TERT: variants seen among roughly 807,000 people sequenced by gnomAD.
TERT encodes the protein telomerase catalytic subunit.
Under a neutral mutation model 104.0 loss-of-function variants are expected in TERT, and 42 were observed. The ratio of observed to expected loss-of-function variants is 0.40; its 90% CI spans 0.32 to 0.52. The LOEUF is 0.52. Among genes scored for constraint, TERT ranks in the 20% least tolerant of loss-of-function variants. The pLI, the probability that TERT is intolerant of heterozygous loss-of-function variation, is 0.43. For missense variants in TERT, 1,101 were observed against 1,610.3 expected, an observed-to-expected ratio of 0.68 and a Z score of 5.41; for synonymous variants, 781 against 725.6, an observed-to-expected ratio of 1.08 and a Z score of -1.23.
rs756195573 is a variant in TERT at position 1,278,655 on chromosome 5, C to A, written c.2272G>T (p.Ala758Ser). Residue 758 changes from alanine to serine, a missense_variant, in exon 6 of 16, where the codon GCC (alanine) becomes TCC (serine). Coordinates refer to ENST00000310581, the MANE Select transcript of TERT (RefSeq NM_198253.3). ...GTGAACCTTACGTGGCTCTTGAAGG[C>A]CTTGCGGACGTGCCCATGGGCGGCC... ...QKAAHGHVRKAFKSHVSTLTD... is the reference protein window; with the variant it reads ...QKAAHGHVRKSFKSHVSTLTD... The A allele has an allele frequency of 6.2e-7, 1 of 1,614,164 alleles. No individual in the cohort carries two copies. The highest frequency in any genetic ancestry group is 8.5e-7 in the Non-Finnish European group (1 of 1,180,050).
At chr5:1,279,237 G>T (rs1749835641) in intron 5 of TERT, 54 bp downstream of exon 5, 2 of 1,531,564 alleles carry the variant, frequency 1.3e-6, no homozygotes, top group Non-Finnish European at 1.8e-6. Flanking sequence ...GTGCCAATCA[G>T]GCAGCCACTC....
At chr5:1,284,439 T>C (rs13175402) in intron 2 of TERT, among the ~76,000 whole-genome samples, 376 of 84,258 alleles carry the variant, frequency 4.5e-3, no homozygotes, top group Middle Eastern at 0.028. Context: ...CACAGCAGGG[T>C]CTGGCGACCT....
At position 1,255,434 on chromosome 5, in the gene TERT, C is replaced by T; in HGVS notation, c.3033-23G>A. ...AACCTGAGAGGATGGCGGACAGCGT[C>T]AGAGGAAAGGCCTCCTAATCAGACG... On this transcript the variant is annotated intron_variant, in intron 13 of 15. Coordinates refer to ENST00000310581, the MANE Select transcript of TERT (RefSeq NM_198253.3). This position sits in a 1 kb window ranked among gnomAD's most constrained non-coding sequence, Gnocchi z 6.9. 1 of 1,613,810 alleles carries T rather than the reference C, an allele frequency of 6.2e-7. No individual in the cohort carries two copies. The highest frequency in any genetic ancestry group is 8.5e-7 in the Non-Finnish European group (1 of 1,179,970).
chr5:1,271,254 A>G, intron 7 of TERT, 50 bp from the exon 8 acceptor site: 1 of 1,378,792 alleles, frequency 7.3e-7, no homozygotes, highest in Non-Finnish European at 1.0e-6. Context: ...GGGTGCTGAG[A>G]CAGGCAGGAC....
intron 3 of TERT, among the ~76,000 whole-genome samples, chr5:1,281,590 A>G (rs762769859): frequency 2.6e-5 from 4 of 151,906 alleles, no homozygotes; most frequent in African/African-American, 7.3e-5. Context: ...ACAATCTCAC[A>G]CTCTCATCAG....
chr5:1,281,692 T>G (rs1750031401), intron 3 of TERT, among the ~76,000 whole-genome samples: 1 of 151,954 alleles, frequency 6.6e-6, no homozygotes, highest in Non-Finnish European at 1.5e-5. Flanking sequence ...AGGTGCTCCC[T>G]GCACAGGTGC....
chr5:1,282,747 T>C lies in TERT; in HGVS notation c.1574-123A>G, dbSNP rs1447103315. On this transcript the variant is annotated intron_variant, in intron 2 of 15. Coordinates refer to ENST00000310581, the MANE Select transcript of TERT (RefSeq NM_198253.3). ...GGGCCTGGCGACCTCACCCCAGACC[T>C]GCACCATCCGGACACGGCACATCCA... 9.8e-5 allele frequency: 94 copies of C among 959,064 alleles called. 3 individuals carry two copies. The South Asian group carries it at 1.3e-3, about 13-fold the overall frequency. 59.4% of individuals were successfully genotyped at this position (959,064 alleles called of 1,614,324 possible).
chr5:1,276,413 A>G (rs977095743), intron 6 of TERT, among the ~76,000 whole-genome samples: 2 of 138,592 alleles, frequency 1.4e-5, no homozygotes, highest in Admixed American at 7.3e-5. Flanking sequence ...AATCCCACAG[A>G]TCCCCACCTA....
At chr5:1,285,176 G>T (rs1750394811) in intron 2 of TERT, among the ~76,000 whole-genome samples, 1 of 136,552 alleles carries the variant, frequency 7.3e-6, no homozygotes, top group South Asian at 2.8e-4. Flanking sequence ...CTCACCGAGG[G>T]CCTGGAGACC....
At position 1,274,675 on chromosome 5, in the gene TERT, C is replaced by T. The variant is rs925519736; in HGVS notation, c.2287-2395G>A. On this transcript the variant is annotated intron_variant, in intron 6 of 15. Coordinates refer to ENST00000310581, the MANE Select transcript of TERT (RefSeq NM_198253.3). This position sits in a 1 kb window ranked among gnomAD's most constrained non-coding sequence, Gnocchi z 5.3. ...GGCGGGGCTCAGGCGGGAACGCTGG[C>T]TCCCCACACCCCACCTAGCCTCCCG... Among the ~76,000 whole-genome samples, 3 of 152,336 alleles carry T rather than the reference C, an allele frequency of 2.0e-5. No individual in the cohort carries two copies. The highest frequency in any genetic ancestry group is 1.3e-4 in the Admixed American group (2 of 15,306).
chr5:1,294,796 G>A lies in TERT; in HGVS notation c.194C>T (p.Pro65Leu), dbSNP rs1561215067. The A allele has an allele frequency of 5.2e-6, 8 of 1,525,946 alleles. No individual in the cohort carries two copies. Among genetic ancestry groups the A allele is most frequent in the Non-Finnish European group, 7.0e-6 (8 of 1,144,676 alleles). The allele number at this position is 1,525,946 out of a possible 1,614,324, so 94.5% of individuals were successfully genotyped here. Residue 65 changes from proline (P) to leucine (L), a missense_variant, in exon 1 of 16, where the codon CCC becomes CTC. Around this residue, in one of 5 missense-constraint regions of TERT, gnomAD observed 87 missense variants for 145.4 expected, o/e 0.60. Transcript: ENST00000310581. Reference protein sequence around the residue: ...LVCVPWDARPPPAAPSFRQVS... With the variant: ...LVCVPWDARPLPAAPSFRQVS... Reference sequence around the variant, plus strand: ...CTGGCGGAAGGAGGGGGCGGCGGGGGGCGGCCGTGCGTCCCAGGGCACGCA... The same window carrying A: ...CTGGCGGAAGGAGGGGGCGGCGGGGAGCGGCCGTGCGTCCCAGGGCACGCA...
At chr5:1,276,875 G>A (rs920678406) in intron 6 of TERT, among the ~76,000 whole-genome samples, 5 of 152,218 alleles carry the variant, frequency 3.3e-5, no homozygotes, top group Admixed American at 6.5e-5. Flanking sequence ...AGTGGACTGC[G>A]ATAGAAGTAC....
chr5:1,282,782 G>A, intron 2 of TERT, 158 bp from the exon 3 acceptor site: 1 of 721,900 alleles, frequency 1.4e-6, no homozygotes, highest in Non-Finnish European at 2.4e-6. Flanking sequence ...AGCCCACCAA[G>A]GGCCTGGCGA....
intron 3 of TERT, 62 bp from the exon 4 acceptor site, chr5:1,280,400 C>A (rs796921185): frequency 6.4e-7 from 1 of 1,557,242 alleles, no homozygotes; most frequent in Non-Finnish European, 8.7e-7. Flanking sequence ...GGGAAGCTCA[C>A]GGGAAGCCAC....
rs1369864504 is a variant in TERT, at chr5:1,292,056, C to G, written c.1573+1257G>C. Among the ~76,000 whole-genome samples, 1 of 152,166 alleles carries G rather than the reference C, an allele frequency of 6.6e-6. No homozygotes were observed. The highest frequency in any genetic ancestry group is 1.5e-5 in the Non-Finnish European group (1 of 68,044). ...TGTAAACACCGCCGAGTTAGCAATT[C>G]TGCACTGTACACAGAAAACGGTGTT... On this transcript the variant is annotated intron_variant, in intron 2 of 15. Coordinates refer to ENST00000310581, the MANE Select transcript of TERT (RefSeq NM_198253.3). The surrounding 1 kb of genome is among the most constrained non-coding windows in gnomAD (Gnocchi z 5.5).
At chr5:1,279,946 G>GC (rs1381870767) in intron 4 of TERT, among the ~76,000 whole-genome samples, 30 of 152,136 alleles carry the variant, frequency 2.0e-4, no homozygotes, top group Non-Finnish European at 4.3e-4. Context: ...GCCTGTCCCT[G>GC]CCCCAGGAGC....
chr5:1,265,478 T>C lies in TERT; in HGVS notation c.2655-886A>G, dbSNP rs1748524267. Among the ~76,000 whole-genome samples the C allele has an allele frequency of 1.3e-5, 2 of 152,054 alleles. No homozygotes were observed. Among genetic ancestry groups the C allele is most frequent in the South Asian group, 4.2e-4 (2 of 4,816 alleles). On this transcript the variant is annotated intron_variant, in intron 10 of 15. Transcript: ENST00000310581. The surrounding 1 kb of genome is among the most constrained non-coding windows in gnomAD (Gnocchi z 6.9). ...AGGAACTTGCCACACAGAAGCAGCG[T>C]TCCCCGTCTGCTCTGTCCCCTCAGC...
chr5:1,294,339 G>T lies in TERT; in HGVS notation c.547C>A (p.Gln183Lys). The stretch of plus-strand genomic sequence containing the variant: ...CTAGCGTGTGGCGGGGGCCGGGCCT[G>T]AGTGGCAGCGCCGAGCTGGTACAGC... ...PPLYQLGAAT[Q>K]ARPPPHASGP... The change falls in exon 2 of 16, where the codon CAG (glutamine) becomes AAG (lysine). Residue 183 changes from glutamine (Q) to lysine (K), a missense_variant. Around this residue, in one of 5 missense-constraint regions of TERT, gnomAD observed 504 missense variants for 544.6 expected, o/e 0.93. Transcript: ENST00000310581. 2 of 1,578,014 alleles carry T rather than the reference G, an allele frequency of 1.3e-6. No individual in the cohort carries two copies.
At chr5:1,272,637 GTC>G (rs1749159326) in intron 6 of TERT, among the ~76,000 whole-genome samples, 4 of 49,290 alleles carry the variant, frequency 8.1e-5, no homozygotes, top group African/African-American at 1.3e-4. Flanking sequence ...GCCATCCACA[GTC>G]ACCACACATC....
Sources: allele counts gnomAD v4.1 joint callset (sites outside exome capture counted in the v4.1 genomes callset), GRCh38; gene constraint gnomAD v4.1.1; regional missense constraint gnomAD v4.1.1; non-coding constraint Gnocchi (gnomAD v3.1); transcripts MANE v1.5; gene names NCBI Gene and HGNC (gene_info 2026-07-23, HGNC 2026-07-21).